Variants in SAMD5 observed in about 807,000 individuals in gnomAD.
The protein encoded by SAMD5 is sterile alpha motif domain-containing protein 5.
SAMD5 carries 13 observed loss-of-function variants against 11.3 expected under a neutral mutation model. The observed-to-expected ratio is 1.15, with a 90% CI of 0.75 to 1.83. The LOEUF is 1.83. Among genes scored for constraint, SAMD5 ranks in the 40% most tolerant of loss-of-function variants. SAMD5 has a pLI of 0.00. For missense variants in SAMD5, 255 were observed against 239.1 expected (o/e 1.07, Z -0.44); for synonymous variants, 129 against 111.3 (o/e 1.16, Z -1.00).
chr6:147,541,565 G>T (rs953446840), intron 1 of SAMD5, among the ~76,000 whole-genome samples: 3 of 152,134 alleles, frequency 2.0e-5, no homozygotes, highest in Non-Finnish European at 2.9e-5. Flanking sequence ...TACCCAGAGA[G>T]ACAGGCCTGT....
chr6:147,716,610 G>T (rs1791472046), intron 1 of SAMD5, among the ~76,000 whole-genome samples: 2 of 152,238 alleles, frequency 1.3e-5, no homozygotes, highest in African/African-American at 4.8e-5. Context: ...AGGAGGTGGG[G>T]CTTCCACCTG....
chr6:147,910,306 G>A, the SAMD5 span, among the ~76,000 whole-genome samples: 12 of 152,096 alleles, frequency 7.9e-5, no homozygotes, highest in African/African-American at 2.7e-4. Flanking sequence ...TGGCGTATCT[G>A]GGGGAGAAGA....
chr6:147,527,464 G>C (rs1240555684), intron 1 of SAMD5, among the ~76,000 whole-genome samples: 1 of 152,120 alleles, frequency 6.6e-6, no homozygotes, highest in Admixed American at 6.6e-5. Context: ...CCATTCATGA[G>C]AAGTCCACTG....
intron 1 of SAMD5, chr6:147,729,601 T>C (rs1791679508): frequency 2.9e-6 from 1 of 342,794 alleles, no homozygotes; most frequent in Admixed American, 4.1e-5. Context: ...GAATGAAAAG[T>C]AGGAAAAGAA....
chr6:147,936,735 G>A, the SAMD5 span, among the ~76,000 whole-genome samples: 1 of 152,156 alleles, frequency 6.6e-6, no homozygotes, highest in African/African-American at 2.4e-5. Flanking sequence ...AATGCCAATG[G>A]CCTCCAGGGT....
chr6:147,776,460 A>G, the SAMD5 span, among the ~76,000 whole-genome samples: 1 of 152,154 alleles, frequency 6.6e-6, no homozygotes, highest in Non-Finnish European at 1.5e-5. Context: ...GATGTTTGGG[A>G]GTCTGCAAGC....
chr6:147,693,714 C>T (rs528623793), intron 1 of SAMD5, among the ~76,000 whole-genome samples: 2 of 152,230 alleles, frequency 1.3e-5, no homozygotes, highest in East Asian at 3.9e-4. Flanking sequence ...GCCTGTAATC[C>T]TAGCACTTTG....
downstream of SAMD5, among the ~76,000 whole-genome samples, chr6:147,570,454 C>T (rs543255998): frequency 1.1e-4 from 17 of 152,270 alleles, no homozygotes; most frequent in Admixed American, 3.9e-4. Flanking sequence ...AGCAATATTT[C>T]CGTGTTCATT....
At chr6:147,856,815 G>A in the SAMD5 span, among the ~76,000 whole-genome samples, 1 of 110,826 alleles carries the variant, frequency 9.0e-6, no homozygotes, top group African/African-American at 5.3e-5. Flanking sequence ...TAGTTTTCTG[G>A]GGGCGCGGGG....
At chr6:147,832,903 G>A in the SAMD5 span, among the ~76,000 whole-genome samples, 1 of 152,186 alleles carries the variant, frequency 6.6e-6, no homozygotes, top group Non-Finnish European at 1.5e-5. Flanking sequence ...AGCTCAACTT[G>A]TCTGATAATT....
intron 1 of SAMD5, among the ~76,000 whole-genome samples, chr6:147,665,258 T>C (rs1202391180): frequency 6.6e-6 from 1 of 152,214 alleles, no homozygotes; most frequent in African/African-American, 2.4e-5. Flanking sequence ...TTTTCATATA[T>C]ATCAGTCAAA....
At chr6:147,633,615 A>G (rs1790183469) in intron 1 of SAMD5, among the ~76,000 whole-genome samples, 2 of 152,000 alleles carry the variant, frequency 1.3e-5, no homozygotes, top group South Asian at 4.1e-4. Flanking sequence ...AGACCAACAT[A>G]CAACATACAA....
chr6:147,869,492 A>G, the SAMD5 span, among the ~76,000 whole-genome samples: 1 of 152,196 alleles, frequency 6.6e-6, no homozygotes, highest in Non-Finnish European at 1.5e-5. Context: ...GGAATTGACT[A>G]CCAACATGCT....
intron 1 of SAMD5, among the ~76,000 whole-genome samples, chr6:147,717,111 C>T (rs1791479439): frequency 6.6e-6 from 1 of 152,210 alleles, no homozygotes; most frequent in Non-Finnish European, 1.5e-5. Context: ...GCATGATCCA[C>T]CTTGCTAAAT....
chr6:147,640,729 A>G (rs1168347118), intron 1 of SAMD5, among the ~76,000 whole-genome samples: 5 of 152,162 alleles, frequency 3.3e-5, no homozygotes, highest in South Asian at 2.1e-4. Flanking sequence ...ATAAAATTGT[A>G]TGATGATGCT....
the SAMD5 span, among the ~76,000 whole-genome samples, chr6:147,773,897 C>T: frequency 6.6e-6 from 1 of 152,240 alleles, no homozygotes; most frequent in Non-Finnish European, 1.5e-5. Context: ...GGCTGTAGTG[C>T]AGTGGCATGA....
At chr6:147,556,191 C>T (rs893848673) in intron 1 of SAMD5, among the ~76,000 whole-genome samples, 11 of 151,848 alleles carry the variant, frequency 7.2e-5, no homozygotes, top group African/African-American at 2.2e-4. Flanking sequence ...CTCTTGGGCT[C>T]ATGCCATTCT....
At chr6:147,800,495 G>A in the SAMD5 span, among the ~76,000 whole-genome samples, 1 of 152,186 alleles carries the variant, frequency 6.6e-6, no homozygotes, top group African/African-American at 2.4e-5. Flanking sequence ...GGACATTTAA[G>A]TCTGCAGAGG....
intron 1 of SAMD5, among the ~76,000 whole-genome samples, chr6:147,598,054 A>G (rs1177139251): frequency 6.6e-6 from 1 of 151,798 alleles, no homozygotes; most frequent in African/African-American, 2.4e-5. Flanking sequence ...GATGCAGTGG[A>G]GTCCTGGAGC....
Sources: allele counts gnomAD v4.1 joint callset (sites outside exome capture counted in the v4.1 genomes callset), GRCh38; gene constraint gnomAD v4.1.1; transcripts MANE v1.5; gene names NCBI Gene and HGNC (gene_info 2026-07-23, HGNC 2026-07-21).